CIAO3: variants seen among roughly 807,000 people sequenced by gnomAD.
The protein encoded by CIAO3 is cytosolic iron-sulfur assembly component 3, also known as LET1 like/JFP15.
In CIAO3, 45 loss-of-function variants were observed where a neutral mutation model predicts 51.5. The observed-to-expected ratio is 0.87, with a 90% CI of 0.69 to 1.12. CIAO3 has a LOEUF of 1.12. CIAO3 is among the 50% of genes most tolerant of loss of function. CIAO3 has a pLI of 0.00. For missense variants in CIAO3, 668 were observed against 632.5 expected (o/e 1.06, Z -0.60); for synonymous variants, 314 against 269.3 (o/e 1.17, Z -1.63).
intron 1 of CIAO3, chr16:740,118 C>T: frequency 1.5e-6 from 2 of 1,310,896 alleles, no homozygotes; most frequent in Non-Finnish European, 1.0e-6. Context: ...TTGGAGACCA[C>T]CTCCTGCTCA....
Position 730,867 on chromosome 16 carries a change from CGTA to C in CIAO3, c.1165_1167del (p.Tyr389del). 1 of 1,612,888 alleles carries C rather than the reference CGTA, an allele frequency of 6.2e-7. No homozygotes were observed. The highest frequency in any genetic ancestry group is 8.5e-7 in the Non-Finnish European group (1 of 1,179,990). ...CCTGAGGGGCAGGCCATGACCTCCA[CGTA>C]GTGGTAGGGGCAGCGCCCTCGTTTG... On this transcript the variant is annotated inframe_deletion, in exon 10 of 11. Transcript: ENST00000251588.
At position 731,421 on chromosome 16, in the gene CIAO3, C is replaced by T. The variant is rs115000257; in HGVS notation, c.1034+144G>A. On this transcript the variant is annotated intron_variant, in intron 9 of 10. Transcript: ENST00000251588. ...CCTGAGCCCGCCAGGAGGGCCCTGC[C>T]TGGCCCCAGGGTCCCCTCCAAACCC... The T allele has an allele frequency of 9.1e-4, 1,104 of 1,208,876 alleles. 8 individuals are homozygous for T. In the African/African-American group the frequency reaches 0.016, roughly 17 times the overall value. The allele number at this position is 1,208,876 out of a possible 1,614,324, so 74.9% of individuals were successfully genotyped here.
chr16:737,504 C>T lies in CIAO3; in HGVS notation c.163-175G>A, dbSNP rs1297229834. 1.3e-6 allele frequency: 2 copies of T among 1,523,640 alleles called. No individual in the cohort carries two copies. Among genetic ancestry groups the T allele is most frequent in the Admixed American group, 2.0e-5 (1 of 50,020 alleles). 94.4% of individuals were successfully genotyped at this position (1,523,640 alleles called of 1,614,324 possible). A position where few individuals can be genotyped will look rare whatever the true frequency, so the allele number is the denominator to read the frequency against. On this transcript the variant is annotated intron_variant, in intron 2 of 10. Transcript: ENST00000251588. The surrounding 1 kb of genome is among the most constrained non-coding windows in gnomAD (Gnocchi z 5.3). ...TACAAAAATGCACACGCACGCTCTA[C>T]AGTTTCATAATGCCGTCAAGTCTGC...
At position 731,813 on chromosome 16, in the gene CIAO3, G is replaced by A. The variant is rs541240185; in HGVS notation, c.897-111C>T. The A allele has an allele frequency of 2.6e-4, 360 of 1,362,774 alleles. 2 individuals are homozygous for A. The Middle Eastern group carries it at 6.8e-3, about 26-fold the overall frequency. 84.4% of individuals were successfully genotyped at this position (1,362,774 alleles called of 1,614,324 possible). On this transcript the variant is annotated intron_variant, in intron 8 of 10. Coordinates refer to ENST00000251588, the MANE Select transcript of CIAO3 (RefSeq NM_022493.3). ...GTTTGCATTTCCAGGTGGGAGACAA[G>A]TCACAGACACAGAGGAACAGCTCCT...
At chr16:735,802 G>A (rs1424866227) in intron 4 of CIAO3, among the ~76,000 whole-genome samples, 1 of 152,170 alleles carries the variant, frequency 6.6e-6, no homozygotes, top group African/African-American at 2.4e-5. Flanking sequence ...GGACATGGTG[G>A]TTACCTGTGA....
rs1001010041 is a variant in CIAO3 at position 729,924 on chromosome 16, A to ACC, written c.*491_*492dup. ...AACCCCTGCTTTCCAGGGGCCTGGC[A>ACC]CCCCCCCCTGCCAGGGTCCACACGC... On this transcript the variant is annotated 3_prime_UTR_variant, in exon 11 of 11. Coordinates refer to ENST00000251588, the MANE Select transcript of CIAO3 (RefSeq NM_022493.3). 22 of 329,712 alleles carry ACC rather than the reference A, an allele frequency of 6.7e-5. No individual in the cohort carries two copies. The highest frequency in any genetic ancestry group is 4.5e-4 in the African/African-American group (20 of 44,906). The allele number at this position is 329,712 out of a possible 1,614,324, so 20.4% of individuals were successfully genotyped here.
At chr16:734,537 G>A (rs569331439) in intron 5 of CIAO3, 190 bp from the exon 6 acceptor site, 30 of 1,013,312 alleles carry the variant, frequency 3.0e-5, no homozygotes, top group Non-Finnish European at 4.6e-5. Context: ...CTAGGGACCT[G>A]AGGTGACTGC....
rs539172592 is a variant in CIAO3 at position 730,209 on chromosome 16, C to T, written c.*208G>A. 2.2e-3 allele frequency: 1,311 copies of T among 604,560 alleles called. 30 individuals are homozygous for T. In the South Asian group the frequency reaches 0.025, roughly 12 times the overall value. The allele number at this position is 604,560 out of a possible 1,614,324, so 37.4% of individuals were successfully genotyped here. On this transcript the variant is annotated 3_prime_UTR_variant, in exon 11 of 11. Coordinates refer to ENST00000251588, the MANE Select transcript of CIAO3 (RefSeq NM_022493.3). ...CTTCTGCTGCCTGGGCCACCCCACC[C>T]CACCTGGGCAGAGCCAGTGGGAACC... is the stretch of plus-strand genomic sequence containing the variant.
chr16:733,957 G>C (rs1330287136), intron 6 of CIAO3: 2 of 461,836 alleles, frequency 4.3e-6, no homozygotes, highest in Non-Finnish European at 8.0e-6. Context: ...GGAGGGGTGG[G>C]CTCCAGGCCC....
At chr16:732,256 G>T in intron 8 of CIAO3, 45 bp downstream of exon 8, 1 of 1,556,482 alleles carries the variant, frequency 6.4e-7, no homozygotes, top group Non-Finnish European at 8.8e-7. Context: ...CTCAGAGGCA[G>T]CGTTAGAAGC....
rs762373167 is a variant in CIAO3, at chr16:737,856, C to T, written c.163-527G>A. ...AGATGCAGGAACAAGGTGTTCCAGT[C>T]GGGGGCCTCCGGGACATGCCTCAGC... is the stretch of plus-strand genomic sequence containing the variant. On this transcript the variant is annotated intron_variant, in intron 2 of 10. Coordinates refer to ENST00000251588, the MANE Select transcript of CIAO3 (RefSeq NM_022493.3). The surrounding 1 kb of genome is among the most constrained non-coding windows in gnomAD (Gnocchi z 5.3). The T allele has an allele frequency of 1.4e-5, 17 of 1,182,290 alleles. No individual in the cohort carries two copies. The highest frequency in any genetic ancestry group is 1.8e-5 in the Non-Finnish European group (17 of 937,464). 73.2% of individuals were successfully genotyped at this position (1,182,290 alleles called of 1,614,324 possible).
rs755029888 is a variant in CIAO3, at chr16:730,424, C to A, written c.1424G>T (p.Arg475Leu). Residue 475 changes from arginine (R) to leucine (L), a missense_variant, in exon 11 of 11, where the codon CGG (arginine) becomes CTG (leucine). Transcript: ENST00000251588. ...VEKASTGLGI[R>L]W ...GTCCTGGTCCTGCAGCCCCTACCACCGGATGCCCAGGCCAGTGCTGGCCTT... is the reference window on the plus strand; with the variant it reads ...GTCCTGGTCCTGCAGCCCCTACCACAGGATGCCCAGGCCAGTGCTGGCCTT... 6.9e-6 allele frequency: 11 copies of A among 1,601,498 alleles called. No individual in the cohort carries two copies. Among genetic ancestry groups the A allele is most frequent in the Admixed American group, 1.7e-5 (1 of 59,990 alleles).
rs140220296 is a variant in CIAO3 at position 733,377 on chromosome 16, G to A, written c.744C>T (p.Asp248=). ...CGGGTCTGGAGGCTTCCAGCTTTTT[G>A]TCATAGCAGGGCATCACTGTGACGT... The part of the protein sequence containing the change: ...IYHVTVMPCY[D]KKLEASRPDF... The change falls in exon 7 of 11, where the codon GAC becomes GAT. Residue 248 remains aspartate (D), a synonymous_variant. Transcript: ENST00000251588. 10 of 1,613,784 alleles carry A rather than the reference G, an allele frequency of 6.2e-6. No homozygotes were observed. The African/African-American group carries it at 1.2e-4, about 19-fold the overall frequency.
At chr16:734,660 G>C in intron 5 of CIAO3, 77 bp downstream of exon 5, 2 of 1,610,558 alleles carry the variant, frequency 1.2e-6, no homozygotes, top group Non-Finnish European at 1.7e-6. Context: ...CCCCCGCCTT[G>C]TCATTTGTGT....
chr16:737,354 A>C lies in CIAO3; in HGVS notation c.163-25T>G. The C allele has an allele frequency of 6.2e-7, 1 of 1,612,012 alleles. No homozygotes were observed. The highest frequency in any genetic ancestry group is 1.1e-5 in the South Asian group (1 of 91,050). On this transcript the variant is annotated intron_variant, in intron 2 of 10. Transcript: ENST00000251588. The surrounding 1 kb of genome is among the most constrained non-coding windows in gnomAD (Gnocchi z 5.3). Reference sequence around the variant, plus strand: ...CCTACAAGGGAGAAGAACCCGGTGCACAGGGGCCCCCTCTGCACGAGGACA... The same window carrying C: ...CCTACAAGGGAGAAGAACCCGGTGCCCAGGGGCCCCCTCTGCACGAGGACA...
chr16:739,765 G>T, intron 1 of CIAO3, 27 bp from the exon 2 acceptor site: 1 of 1,606,446 alleles, frequency 6.2e-7, no homozygotes, highest in Non-Finnish European at 8.5e-7. Flanking sequence ...CCCCAAATCA[G>T]CCCCTGTGAG....
rs1233178756 is a variant in CIAO3 at position 737,337 on chromosome 16, G to A, written c.163-8C>T. On this transcript the variant is annotated splice_region_variant and splice_polypyrimidine_tract_variant and intron_variant, in intron 2 of 10. Coordinates refer to ENST00000251588, the MANE Select transcript of CIAO3 (RefSeq NM_022493.3). The surrounding 1 kb of genome is among the most constrained non-coding windows in gnomAD (Gnocchi z 5.3). ...CCTCCGGGTCCCGCCGTCCTACAAG[G>A]GAGAAGAACCCGGTGCACAGGGGCC... 1.9e-6 allele frequency: 3 copies of A among 1,612,670 alleles called. No individual in the cohort carries two copies. Among genetic ancestry groups the A allele is most frequent in the East Asian group, 2.2e-5 (1 of 44,898 alleles).
At chr16:732,915 C>A in intron 7 of CIAO3, 1 of 317,932 alleles carries the variant, frequency 3.1e-6, no homozygotes, top group South Asian at 2.8e-5. Context: ...GGATTACAGG[C>A]GTGAGCCACC....
chr16:733,886 C>T (rs2041310579), intron 6 of CIAO3: 1 of 387,566 alleles, frequency 2.6e-6, no homozygotes, highest in Non-Finnish European at 4.9e-6. Context: ...TGTCTTCAGG[C>T]TTCTATCCCG....
Sources: allele counts gnomAD v4.1 joint callset (sites outside exome capture counted in the v4.1 genomes callset), GRCh38; gene constraint gnomAD v4.1.1; non-coding constraint Gnocchi (gnomAD v3.1); transcripts MANE v1.5; gene names NCBI Gene and HGNC (gene_info 2026-07-23, HGNC 2026-07-21).